ZNF385D: variants seen among roughly 807,000 people sequenced by gnomAD.
The protein encoded by ZNF385D is zinc finger protein 659.
In ZNF385D, 15 loss-of-function variants were observed where a neutral mutation model predicts 35.8. That is an observed-to-expected ratio of 0.42 (90% confidence interval 0.28 to 0.64). The LOEUF (loss-of-function observed/expected upper bound fraction) is 0.64. Ranked by LOEUF, ZNF385D falls within the 30% of genes least tolerant of loss-of-function variation. The pLI, the probability that ZNF385D is intolerant of heterozygous loss-of-function variation, is 0.23. For missense variants in ZNF385D, 474 were observed against 494.6 expected (o/e 0.96, Z 0.39); for synonymous variants, 212 against 186.8 (o/e 1.13, Z -1.10).
chr3:22,359,606 A>C (rs73142218), intron 2 of ZNF385D, among the ~76,000 whole-genome samples: 2,282 of 151,968 alleles, frequency 0.015, 53 homozygotes, highest in African/African-American at 0.052. Flanking sequence ...GGTATCTACC[A>C]TTTAAATGTA....
chr3:21,898,808 C>G (rs750584804), intron 3 of ZNF385D, among the ~76,000 whole-genome samples: 11 of 152,114 alleles, frequency 7.2e-5, no homozygotes, highest in South Asian at 2.1e-4. Context: ...TACCACGACT[C>G]TCAGCATCAC....
chr3:21,995,957 G>A (rs1695440205), intron 3 of ZNF385D, among the ~76,000 whole-genome samples: 1 of 152,030 alleles, frequency 6.6e-6, no homozygotes, highest in Admixed American at 6.6e-5. Flanking sequence ...AGAGTGCTGG[G>A]GACCTGGCTG....
At position 21,594,463 on chromosome 3, in the gene ZNF385D, T is replaced by C. The variant is rs568106754; in HGVS notation, c.166-29779A>G. Among the ~76,000 whole-genome samples the C allele has an allele frequency of 7.9e-5, 12 of 152,220 alleles. 1 individual carries two copies. In the East Asian group the frequency reaches 2.3e-3, roughly 30 times the overall value. ...ATAGGGAAAATGCCAATCAACAGAA[T>C]GATTTCAGGCCCAGGCTGTGGAGAA... On this transcript the variant is annotated intron_variant, in intron 2 of 7. Transcript: ENST00000281523.
intron 1 of ZNF385D, among the ~76,000 whole-genome samples, chr3:21,685,722 T>C (rs1219676271): frequency 6.6e-6 from 1 of 152,180 alleles, no homozygotes; most frequent in Non-Finnish European, 1.5e-5. Context: ...GTAATTGGCA[T>C]TACCTAATTA....
chr3:22,329,413 T>C (rs1464252535), intron 2 of ZNF385D, among the ~76,000 whole-genome samples: 2 of 152,196 alleles, frequency 1.3e-5, no homozygotes, highest in Admixed American at 6.5e-5. Context: ...AGGTCACCTA[T>C]TGGTGCAGAC....
chr3:21,846,495 A>G (rs551776643), intron 3 of ZNF385D, among the ~76,000 whole-genome samples: 1 of 152,118 alleles, frequency 6.6e-6, no homozygotes, highest in Non-Finnish European at 1.5e-5. Flanking sequence ...AGAGTTTGCA[A>G]TTATTGCTTT....
intron 4 of ZNF385D, chr3:21,459,299 T>G (rs1308287072): frequency 1.3e-5 from 2 of 152,156 alleles, no homozygotes; most frequent in African/African-American, 4.8e-5. Context: ...TGGTACTAAT[T>G]ATGTTACTAT....
chr3:22,050,811 A>G (rs888833422), intron 3 of ZNF385D, among the ~76,000 whole-genome samples: 2 of 152,228 alleles, frequency 1.3e-5, no homozygotes, highest in African/African-American at 4.8e-5. Flanking sequence ...AAAATAACGA[A>G]TATCTGTTCC....
chr3:22,186,464 C>T (rs116713337), intron 2 of ZNF385D, among the ~76,000 whole-genome samples: 8 of 152,278 alleles, frequency 5.3e-5, no homozygotes, highest in Non-Finnish European at 1.0e-4. Flanking sequence ...TAAAACTTGG[C>T]TAGTGGCATG....
intron 3 of ZNF385D, among the ~76,000 whole-genome samples, chr3:21,881,750 C>A (rs1256729893): frequency 2.6e-5 from 4 of 151,934 alleles, no homozygotes; most frequent in Non-Finnish European, 4.4e-5. Context: ...CTGGAAAGGA[C>A]TCATCATTCT....
intron 1 of ZNF385D, among the ~76,000 whole-genome samples, chr3:21,697,456 T>C (rs1276566557): frequency 6.6e-6 from 1 of 152,144 alleles, no homozygotes; most frequent in Non-Finnish European, 1.5e-5. Flanking sequence ...GTAAAACGAA[T>C]AAAAGTGATG....
chr3:22,184,335 A>G (rs1407719300), intron 2 of ZNF385D, among the ~76,000 whole-genome samples: 1 of 152,114 alleles, frequency 6.6e-6, no homozygotes, highest in Non-Finnish European at 1.5e-5. Context: ...TTTAAAATAT[A>G]TCTTAAAAAT....
intron 1 of ZNF385D, among the ~76,000 whole-genome samples, chr3:21,665,754 C>T (rs1288454918): frequency 6.6e-6 from 1 of 152,104 alleles, no homozygotes; most frequent in South Asian, 2.1e-4. Flanking sequence ...AAGTAGCCAG[C>T]CTTTTGCAAG....
Position 21,646,146 on chromosome 3 carries a change from A to G in ZNF385D, c.165+18740T>C, listed in dbSNP as rs2065746979. ...AACCTCAGGGAAATTTTTAAAAACT[A>G]TTTTTCATTTTAAAAGTTAAGGAAG... is the stretch of plus-strand genomic sequence containing the variant. On this transcript the variant is annotated intron_variant, in intron 2 of 7. Transcript: ENST00000281523. This position sits in a 1 kb window ranked among gnomAD's most constrained non-coding sequence, Gnocchi z 4.3. Among the ~76,000 whole-genome samples, 1 of 152,114 alleles carries G rather than the reference A, an allele frequency of 6.6e-6. No homozygotes were observed. Among genetic ancestry groups the G allele is most frequent in the Admixed American group, 6.6e-5 (1 of 15,256 alleles).
chr3:21,811,634 G>A (rs192598027), intron 3 of ZNF385D, among the ~76,000 whole-genome samples: 1 of 152,190 alleles, frequency 6.6e-6, no homozygotes, highest in Admixed American at 6.5e-5. Flanking sequence ...AAAGCAGCTA[G>A]CATTTATTTA....
intron 3 of ZNF385D, among the ~76,000 whole-genome samples, chr3:21,835,250 T>C (rs926465082): frequency 9.5e-5 from 3 of 31,486 alleles, no homozygotes; most frequent in Non-Finnish European, 1.8e-4. Flanking sequence ...ATAGTTTGCT[T>C]ACTTTTTTTT....
chr3:21,424,646 CT>C (rs908710007), intron 6 of ZNF385D, among the ~76,000 whole-genome samples: 31 of 133,086 alleles, frequency 2.3e-4, no homozygotes, highest in South Asian at 2.0e-3. Context: ...ATAGTAGCGT[CT>C]TTTTTTTTTC....
chr3:21,676,907 C>A (rs1056557835), intron 1 of ZNF385D, among the ~76,000 whole-genome samples: 1 of 151,828 alleles, frequency 6.6e-6, no homozygotes, highest in Non-Finnish European at 1.5e-5. Flanking sequence ...AAGGAAAGGA[C>A]CTGCATTTTC....
chr3:21,866,517 T>G (rs1199535960), intron 3 of ZNF385D, among the ~76,000 whole-genome samples: 1 of 152,276 alleles, frequency 6.6e-6, no homozygotes, highest in East Asian at 1.9e-4. Context: ...GATATTGTTC[T>G]CAAACTGGTT....
Sources: gnomAD v4.1 joint callset for allele counts (sites outside exome capture counted in the v4.1 genomes callset) on GRCh38, gnomAD v4.1.1 for gene constraint, Gnocchi (gnomAD v3.1) non-coding constraint, MANE v1.5 for transcripts, NCBI Gene and HGNC (gene_info 2026-07-23, HGNC 2026-07-21) for gene names.